PSME4: variants seen among roughly 807,000 people sequenced by gnomAD.
PSME4 encodes the protein proteasome activator subunit 4, also known as proteasome activator complex subunit 4.
In PSME4, 89 loss-of-function variants were observed where a neutral mutation model predicts 253.9. The ratio of observed to expected loss-of-function variants is 0.35; its 90% CI spans 0.30 to 0.42. The LOEUF is 0.42. PSME4 is among the 10% of genes least tolerant of loss of function. The pLI, the probability that PSME4 is intolerant of heterozygous loss-of-function variation, is 1.00. For synonymous variants in PSME4, 851 were observed against 759.2 expected, an observed-to-expected ratio of 1.12 and a Z score of -1.99; for missense variants, 2,014 against 2,195.2, an observed-to-expected ratio of 0.92 and a Z score of 1.65.
intron 12 of PSME4, among the ~76,000 whole-genome samples, chr2:53,926,756 T>C (rs373072900): frequency 1.6e-3 from 236 of 151,958 alleles, no homozygotes; most frequent in African/African-American, 5.5e-3. Context: ...GCAGATTACT[T>C]GAGGCCAGGA....
intron 28 of PSME4, among the ~76,000 whole-genome samples, chr2:53,900,592 G>C (rs12162342): frequency 0.075 from 11,393 of 152,156 alleles, 623 homozygotes; most frequent in East Asian, 0.26. Context: ...ACAGCCCTGT[G>C]AATATTCTAC....
intron 32 of PSME4, among the ~76,000 whole-genome samples, chr2:53,896,283 G>C (rs922934492): frequency 3.3e-5 from 5 of 152,064 alleles, no homozygotes; most frequent in Admixed American, 2.6e-4. Context: ...CCCACTGAAT[G>C]TACTTTATAT....
Position 53,932,097 on chromosome 2 carries a change from T to A in PSME4, c.1054A>T (p.Lys352Ter). The A allele has an allele frequency of 6.2e-7, 1 of 1,612,672 alleles. No individual in the cohort carries two copies. Among genetic ancestry groups the A allele is most frequent in the Non-Finnish European group, 8.5e-7 (1 of 1,178,930 alleles). ...AACCGCTGAAGTAGTTTCATTAACT[T>A]GTTCTGGGGACACAGAAGCAAAAAG... ...HPSNNGRWLN[K>*]LMKLLQRLPN... Residue 352 changes from lysine (K) to a stop codon, truncating the protein, a stop_gained, in exon 10 of 47, where the codon AAG (lysine) becomes TAG (stop). Transcript: ENST00000404125. LOFTEE classifies it high-confidence loss of function.
In PSME4 at chr2:53,866,067, A is replaced by T. The variant is rs772538610; in HGVS notation, c.*4+18T>A. The T allele has an allele frequency of 3.1e-6, 5 of 1,592,564 alleles. No homozygotes were observed. The East Asian group carries it at 6.8e-5, about 22-fold the overall frequency. ...TCAGTCACCAAACCAATGTAAATTC[A>T]GAACTTTGCTGACTTACCTTTCTAT... On this transcript the variant is annotated intron_variant, in intron 46 of 46. Transcript: ENST00000404125.
chr2:53,915,615 T>G (rs940302153), intron 20 of PSME4, among the ~76,000 whole-genome samples: 15 of 151,782 alleles, frequency 9.9e-5, no homozygotes, highest in African/African-American at 3.6e-4. Flanking sequence ...GCTTCTAGGG[T>G]CTTTTTGTTT....
At chr2:53,870,330 C>A (rs1264094854) in intron 43 of PSME4, 1 of 150,620 alleles carries the variant, frequency 6.6e-6, no homozygotes, top group Non-Finnish European at 1.5e-5. Flanking sequence ...ACTGGTTGCA[C>A]TATTTCCTAT....
intron 5 of PSME4, among the ~76,000 whole-genome samples, 179 bp downstream of exon 5, chr2:53,937,212 C>G (rs182726785): frequency 3.3e-5 from 5 of 152,066 alleles, no homozygotes; most frequent in Non-Finnish European, 5.9e-5. Context: ...TGGGTGTCAT[C>G]TCTTTACTTT....
intron 10 of PSME4, among the ~76,000 whole-genome samples, chr2:53,928,985 G>A (rs1668693785): frequency 6.6e-6 from 1 of 152,066 alleles, no homozygotes; most frequent in Admixed American, 6.6e-5. Context: ...GGCCAACATG[G>A]TGAAACCCTG....
Position 53,928,288 on chromosome 2 carries a change from T to C in PSME4, c.1332A>G (p.Leu444=), listed in dbSNP as rs768394567. ...PPVLERTYPA[L]ETLTEPHQLT... is the part of the protein sequence containing the mutation. ...GCTGGTGAGGTTCTGTTAATGTCTC[T>C]AATGCAGGATATGTTCTACAGTTTG... Residue 444 remains leucine (L), a synonymous_variant, in exon 11 of 47, where the codon TTA becomes TTG. Coordinates refer to ENST00000404125, the MANE Select transcript of PSME4 (RefSeq NM_014614.3). 3 of 1,613,880 alleles carry C rather than the reference T, an allele frequency of 1.9e-6. No homozygotes were observed. The highest frequency in any genetic ancestry group is 1.7e-5 in the Admixed American group (1 of 60,014).
intron 6 of PSME4, 62 bp from the exon 7 acceptor site, chr2:53,936,223 C>A (rs1182470723): frequency 3.8e-6 from 6 of 1,599,002 alleles, no homozygotes. Flanking sequence ...GTGTCATAGT[C>A]ACACCCCTCC....
intron 37 of PSME4, among the ~76,000 whole-genome samples, chr2:53,889,538 T>A (rs888057640): frequency 6.6e-6 from 1 of 152,124 alleles, no homozygotes; most frequent in African/African-American, 2.4e-5. Context: ...GTGGAACTCA[T>A]GGATATGGAG....
At chr2:53,902,037 A>G (rs894753216) in intron 27 of PSME4, among the ~76,000 whole-genome samples, 1 of 152,164 alleles carries the variant, frequency 6.6e-6, no homozygotes, top group Non-Finnish European at 1.5e-5. Context: ...ACTGTACTCC[A>G]GCTTAGGTGA....
chr2:53,874,871 G>A (rs1388627062), intron 42 of PSME4, among the ~76,000 whole-genome samples: 1 of 152,160 alleles, frequency 6.6e-6, no homozygotes, highest in Non-Finnish European at 1.5e-5. Context: ...CATGAACCTG[G>A]GGGGCGGAGG....
chr2:53,937,314 T>A lies in PSME4; in HGVS notation c.695+77A>T, dbSNP rs143770228. The A allele has an allele frequency of 6.3e-5, 82 of 1,300,426 alleles. 1 individual carries two copies. The African/African-American group carries it at 1.1e-3, about 18-fold the overall frequency. The allele number at this position is 1,300,426 out of a possible 1,614,324, so 80.6% of individuals were successfully genotyped here. On this transcript the variant is annotated intron_variant, in intron 5 of 46. Coordinates refer to ENST00000404125, the MANE Select transcript of PSME4 (RefSeq NM_014614.3). ...GAACTTGCAAAATGATTTTTCTAGT[T>A]GTTATTGTTTTACTAGTTTCTTTAT... is the stretch of plus-strand genomic sequence containing the variant.
In PSME4 at chr2:53,925,594, C is replaced by G; in HGVS notation, c.1754G>C (p.Gly585Ala). The G allele has an allele frequency of 1.9e-6, 3 of 1,609,386 alleles. No homozygotes were observed. Among genetic ancestry groups the G allele is most frequent in the Non-Finnish European group, 2.6e-6 (3 of 1,176,076 alleles). Residue 585 changes from glycine (G) to alanine (A), a missense_variant, in exon 14 of 47, where the codon GGT becomes GCT. Transcript: ENST00000404125. ...MTHLESLVEL[G>A]LSSTFSTILT... is the part of the protein sequence containing the mutation. The stretch of plus-strand genomic sequence containing the variant: ...GATTGTACTAAACGTAGAAGACAGA[C>G]CTAATTCGACCAAACTCTCCAAGTG...
chr2:53,938,601 C>T (rs1228945633), intron 4 of PSME4, among the ~76,000 whole-genome samples: 1 of 151,880 alleles, frequency 6.6e-6, no homozygotes, highest in African/African-American at 2.4e-5. Flanking sequence ...AGCACCACCG[C>T]ACCCAGCCTT....
chr2:53,904,114 C>T lies in PSME4; in HGVS notation c.2986G>A (p.Ala996Thr). The T allele has an allele frequency of 1.2e-6, 2 of 1,613,330 alleles. No individual in the cohort carries two copies. Among genetic ancestry groups the T allele is most frequent in the Non-Finnish European group, 1.7e-6 (2 of 1,179,440 alleles). Residue 996 changes from alanine to threonine, a missense_variant, in exon 27 of 47, where the codon GCA becomes ACA. Ala to Thr is a moderately conservative substitution (Grantham distance 58). This residue lies in a region of PSME4 where 989 missense variants were observed against 1,021.1 expected (regional missense o/e 0.97). Transcript: ENST00000404125. ...ATATCTCTGCAACAGAAGTTATATG[C>T]TCCCAAGGCAGCAAAAAATGTTTGC... The part of the protein sequence containing the change: ...AQQTFFAALG[A>T]YNFCCRDIIP...
chr2:53,936,615 A>T (rs948769738), intron 6 of PSME4, 149 bp downstream of exon 6: 3 of 551,458 alleles, frequency 5.4e-6, no homozygotes, highest in African/African-American at 2.0e-5. Context: ...AAAGAAACTG[A>T]TCATAACATG....
intron 1 of PSME4, among the ~76,000 whole-genome samples, chr2:53,961,867 G>A (rs563589200): frequency 1.1e-4 from 16 of 152,310 alleles, no homozygotes; most frequent in South Asian, 8.3e-4. Flanking sequence ...AACCCGAAGC[G>A]TCCACCCTAC....
Sources: allele counts gnomAD v4.1 joint callset (sites outside exome capture counted in the v4.1 genomes callset), GRCh38; gene constraint gnomAD v4.1.1; regional missense constraint gnomAD v4.1.1; transcripts MANE v1.5; gene names NCBI Gene and HGNC (gene_info 2026-07-23, HGNC 2026-07-21).